ROS1: variants seen among roughly 807,000 people sequenced by gnomAD.
ROS1 encodes the protein proto-oncogene tyrosine-protein kinase ROS.
In ROS1, 263 loss-of-function variants were observed where a neutral mutation model predicts 273.5. The observed-to-expected ratio is 0.96, with a 90% CI of 0.87 to 1.06. The LOEUF is 1.06. Among genes scored for constraint, ROS1 ranks in the 50% least tolerant of loss-of-function variants. ROS1 has a pLI of 0.00. For synonymous variants in ROS1, 1,008 were observed against 954.1 expected (o/e 1.06, Z -1.04); for missense variants, 2,833 against 2,751.1 (o/e 1.03, Z -0.67).
chr6:117,300,836 C>A, intron 43 of ROS1, 138 bp downstream of exon 43: 1 of 546,354 alleles, frequency 1.8e-6, no homozygotes, highest in South Asian at 4.0e-5. Context: ...ATGCAATAAA[C>A]ACTTAATTAT....
rs780718091 is a variant in ROS1 at position 117,379,141 on chromosome 6, C to T, written c.2500G>A (p.Asp834Asn). 5.0e-6 allele frequency: 8 copies of T among 1,610,956 alleles called. No homozygotes were observed. In the South Asian group the frequency reaches 8.8e-5, roughly 18 times the overall value. ...CAATACAGGAGCCCATCACTGAGGT[C>T]TAAAGTTAGAGCAATTACCTAAGTA... Reference protein sequence around the residue: ...SGKKVIALTLDLSDGLLYWLV... With the variant: ...SGKKVIALTLNLSDGLLYWLV... The change falls in exon 18 of 44, where the codon GAC (aspartate) becomes AAC (asparagine). Residue 834 changes from aspartate to asparagine, a missense_variant. By Grantham distance (23) the Asp-to-Asn change is conservative. Coordinates refer to ENST00000368507, the MANE Select transcript of ROS1 (RefSeq NM_001378902.1).
chr6:117,393,458 A>T (rs1209218447), intron 11 of ROS1, 137 bp from the exon 12 acceptor site: 2 of 621,478 alleles, frequency 3.2e-6, no homozygotes, highest in Non-Finnish European at 5.6e-6. Flanking sequence ...AATGAGCAAA[A>T]AAAAGCCCTT....
At position 117,404,322 on chromosome 6, in the gene ROS1, C is replaced by G. The variant is rs1774215639; in HGVS notation, c.423G>C (p.Gln141His). 2 of 1,613,874 alleles carry G rather than the reference C, an allele frequency of 1.2e-6. No individual in the cohort carries two copies. The highest frequency in any genetic ancestry group is 1.7e-6 in the Non-Finnish European group (2 of 1,179,924). ...TTCCCAGAAGTTGTGCATATTTCCA[C>G]TGAATGATGTATTTTACTCCAGAGA... The part of the protein sequence containing the change: ...ANFSGVKYII[Q>H]WKYAQLLGSW... The change falls in exon 6 of 44, where the codon CAG (glutamine) becomes CAC (histidine). Residue 141 changes from glutamine (Q) to histidine (H), a missense_variant. Gln to His is a conservative substitution (Grantham distance 24). Transcript: ENST00000368507.
At chr6:117,398,693 A>AACAAAAAAAAAAAAAC (rs1554252570) in intron 7 of ROS1, among the ~76,000 whole-genome samples, 1 of 141,094 alleles carries the variant, frequency 7.1e-6, no homozygotes, top group Non-Finnish European at 1.6e-5. Flanking sequence ...AAAAAAAAAA[A>AACAAAAAAAAAAAAAC]AAAACTCGCG....
intron 43 of ROS1, 65 bp downstream of exon 43, chr6:117,300,909 C>T: frequency 7.7e-7 from 1 of 1,295,284 alleles, no homozygotes; most frequent in Non-Finnish European, 1.0e-6. Context: ...TGTGTACATT[C>T]CATTTTAACT....
chr6:117,297,467 C>T (rs1206163255), intron 43 of ROS1, among the ~76,000 whole-genome samples: 1 of 152,048 alleles, frequency 6.6e-6, no homozygotes, highest in Non-Finnish European at 1.5e-5. Flanking sequence ...AAAGTATTCA[C>T]TCAACAGGGG....
At chr6:117,356,521 A>T in intron 26 of ROS1, 108 bp downstream of exon 26, 1 of 1,038,606 alleles carries the variant, frequency 9.6e-7, no homozygotes, top group Non-Finnish European at 1.4e-6. Context: ...GTACAGAGCA[A>T]ATATCATGTG....
chr6:117,306,438 G>A (rs74831568), intron 42 of ROS1, among the ~76,000 whole-genome samples: 5,583 of 152,146 alleles, frequency 0.037, 250 homozygotes, highest in African/African-American at 0.1. Context: ...ATTGCCCTTT[G>A]ATCCCATTTC....
chr6:117,375,801 CAATATACTA>C (rs1409181506), intron 18 of ROS1, among the ~76,000 whole-genome samples: 3 of 151,862 alleles, frequency 2.0e-5, no homozygotes, highest in Non-Finnish European at 4.4e-5. Context: ...TATAGATAAT[CAATATACTA>C]AATATAAAGC....
At chr6:117,370,854 CAG>C (rs1227927294) in intron 18 of ROS1, among the ~76,000 whole-genome samples, 2 of 151,980 alleles carry the variant, frequency 1.3e-5, no homozygotes, top group East Asian at 1.9e-4. Flanking sequence ...GAAGTAGAAA[CAG>C]AGGAACAAGG....
At chr6:117,364,061 A>C (rs184287582) in intron 21 of ROS1, among the ~76,000 whole-genome samples, 49 of 152,244 alleles carry the variant, frequency 3.2e-4, no homozygotes, top group Non-Finnish European at 5.1e-4. Flanking sequence ...CTCCCACTGG[A>C]TCCCCTGATG....
Position 117,396,915 on chromosome 6 carries a change from CT to C in ROS1, c.805del (p.Arg269GlyfsTer7). On this transcript the variant is annotated frameshift_variant and splice_region_variant, in exon 8 of 44. Transcript: ENST00000368507. LOFTEE classifies it high-confidence loss of function. ...TTCCTCTGTATCACTTAATTCTTAC[CT>C]GTAGATAGTATTTGGTAAAGTGGAG... ...FYSTLPNTIY[R>X]FSIAAVNEVG... 1 of 1,602,814 alleles carries C rather than the reference CT, an allele frequency of 6.2e-7. No individual in the cohort carries two copies. Among genetic ancestry groups the C allele is most frequent in the East Asian group, 2.2e-5 (1 of 44,814 alleles).
chr6:117,321,824 T>A (rs552049546), intron 35 of ROS1, among the ~76,000 whole-genome samples: 1 of 138,604 alleles, frequency 7.2e-6, no homozygotes, highest in Admixed American at 8.0e-5. Flanking sequence ...TTCAGTATAA[T>A]GGCAATTTTT....
intron 11 of ROS1, 140 bp downstream of exon 11, chr6:117,394,022 A>G: frequency 2.0e-6 from 1 of 505,410 alleles, no homozygotes; most frequent in Middle Eastern, 5.2e-4. Context: ...TCTATGATTC[A>G]TTGATAACCT....
intron 40 of ROS1, 122 bp from the exon 41 acceptor site, chr6:117,310,403 T>C: frequency 1.5e-6 from 1 of 665,304 alleles, no homozygotes; most frequent in Admixed American, 3.1e-5. Flanking sequence ...TTACTTTAAG[T>C]TCTGGATTAC....
Position 117,329,337 on chromosome 6 carries a change from A to G in ROS1, c.5340T>C (p.Leu1780=), listed in dbSNP as rs2128593091. The G allele has an allele frequency of 7.0e-7, 1 of 1,431,780 alleles. No homozygotes were observed. The highest frequency in any genetic ancestry group is 9.8e-7 in the Non-Finnish European group (1 of 1,019,362). 88.7% of individuals were successfully genotyped at this position (1,431,780 alleles called of 1,614,324 possible). A position where few individuals can be genotyped will look rare whatever the true frequency, so the allele number is the denominator to read the frequency against. ...DNGCRITYYI[L]EIRKSTSNNL... Reference sequence around the variant, plus strand: ...TTTGCAAACACACATACCTTATCTCAAGGATATAGTATGTAATTCTACATC... The same window carrying G: ...TTTGCAAACACACATACCTTATCTCGAGGATATAGTATGTAATTCTACATC... Residue 1780 remains leucine (L), a synonymous_variant, in exon 33 of 44, where the codon CTT becomes CTC. Transcript: ENST00000368507.
intron 24 of ROS1, among the ~76,000 whole-genome samples, chr6:117,358,819 C>T (rs1237651165): frequency 6.6e-6 from 1 of 152,000 alleles, no homozygotes; most frequent in Non-Finnish European, 1.5e-5. Context: ...CATGCTCATC[C>T]CCTCACTCAG....
Position 117,413,759 on chromosome 6 carries a change from A to T in ROS1, c.255+760T>A, listed in dbSNP as rs148348991. ...CACTTCGGGAGGCTGAGGTGGGTGG[A>T]TCACTTGAAATCAGGAGTTCGAGAT... On this transcript the variant is annotated intron_variant, in intron 4 of 43. Coordinates refer to ENST00000368507, the MANE Select transcript of ROS1 (RefSeq NM_001378902.1). Among the ~76,000 whole-genome samples the T allele has an allele frequency of 2.2e-4, 33 of 152,258 alleles. No homozygotes were observed. In the East Asian group the frequency reaches 6.2e-3, roughly 29 times the overall value.
chr6:117,303,596 G>T (rs773802944), intron 42 of ROS1, among the ~76,000 whole-genome samples: 1 of 152,176 alleles, frequency 6.6e-6, no homozygotes, highest in Non-Finnish European at 1.5e-5. Flanking sequence ...TGAGATCAGA[G>T]GAGGGAAGCG....
Sources: gnomAD v4.1 joint callset for allele counts (sites outside exome capture counted in the v4.1 genomes callset) on GRCh38, gnomAD v4.1.1 for gene constraint, MANE v1.5 for transcripts, NCBI Gene and HGNC (gene_info 2026-07-23, HGNC 2026-07-21) for gene names.